ZNF423: variants seen among roughly 807,000 people sequenced by gnomAD.
ZNF423 encodes Ebf-associated zinc finger protein.
Under a neutral mutation model 95.8 loss-of-function variants are expected in ZNF423, and 12 were observed. That is an observed-to-expected ratio of 0.13 (90% CI 0.08 to 0.20). ZNF423 has a LOEUF of 0.20. Among genes scored for constraint, ZNF423 ranks in the 10% least tolerant of loss-of-function variants. The pLI is 1.00. For synonymous variants in ZNF423, 749 were observed against 711.9 expected, an observed-to-expected ratio of 1.05 and a Z score of -0.83; for missense variants, 1,316 against 1,737.1, an observed-to-expected ratio of 0.76 and a Z score of 4.31.
In ZNF423 at chr16:49,603,022, C is replaced by T. The variant is rs377722779; in HGVS notation, c.3601+23148G>A. ...ACCTCGGTTTCGCAGAGAAACGTGT[C>T]CCTGAAATGCCAAGGAGAAAGGGAG... On this transcript the variant is annotated intron_variant, in intron 5 of 7. Transcript: ENST00000563137. This position sits in a 1 kb window ranked among gnomAD's most constrained non-coding sequence, Gnocchi z 4.1. Among the ~76,000 whole-genome samples the T allele has an allele frequency of 5.3e-5, 8 of 152,260 alleles. No individual in the cohort carries two copies. In the South Asian group the frequency reaches 1.2e-3, roughly 24 times the overall value.
intron 7 of ZNF423, among the ~76,000 whole-genome samples, chr16:49,522,382 C>A (rs957570881): frequency 6.6e-6 from 1 of 152,154 alleles, no homozygotes; most frequent in Non-Finnish European, 1.5e-5. Flanking sequence ...CTTCTCCCTG[C>A]CTCAGTGACT....
In ZNF423 at chr16:49,819,036, G is replaced by A. The variant is rs1398069645; in HGVS notation, c.41-29490C>T. Among the ~76,000 whole-genome samples, 5 of 151,882 alleles carry A rather than the reference G, an allele frequency of 3.3e-5. No homozygotes were observed. In the East Asian group the frequency reaches 7.7e-4, roughly 23 times the overall value. On this transcript the variant is annotated intron_variant, in intron 1 of 7. Coordinates refer to ENST00000563137, the MANE Select transcript of ZNF423 (RefSeq NM_001379286.1). The stretch of plus-strand genomic sequence containing the variant: ...TGGGAGGCTGAGGCCGGTGGATTAC[G>A]AGGTCAAGAGATAGAGACCATCCTG...
At chr16:49,732,199 C>T (rs2033185503) in intron 2 of ZNF423, among the ~76,000 whole-genome samples, 1 of 152,186 alleles carries the variant, frequency 6.6e-6, no homozygotes, top group Non-Finnish European at 1.5e-5. Context: ...AGCTCAACTT[C>T]GTGACTCCTG....
At chr16:49,599,598 G>A (rs1362762707) in intron 5 of ZNF423, among the ~76,000 whole-genome samples, 2 of 152,118 alleles carry the variant, frequency 1.3e-5, no homozygotes, top group African/African-American at 4.8e-5. Context: ...CCCAAATCCA[G>A]GTACAACCCA....
intron 1 of ZNF423, among the ~76,000 whole-genome samples, chr16:49,793,698 A>C (rs1271611171): frequency 6.6e-6 from 1 of 152,056 alleles, no homozygotes; most frequent in Non-Finnish European, 1.5e-5. Flanking sequence ...GCACACAGAG[A>C]GGAGGCATGG....
intron 7 of ZNF423, among the ~76,000 whole-genome samples, chr16:49,496,761 T>C (rs1466959992): frequency 6.6e-6 from 1 of 152,232 alleles, no homozygotes. Context: ...CTGGTCTTCC[T>C]GACCCAGCAG....
intron 5 of ZNF423, among the ~76,000 whole-genome samples, chr16:49,608,616 G>T (rs764771422): frequency 3.3e-5 from 5 of 152,142 alleles, no homozygotes; most frequent in Non-Finnish European, 7.4e-5. Flanking sequence ...AGGATCCTGG[G>T]TTTTCTTTTT....
At chr16:49,786,708 A>AGTC (rs1363270006) in intron 2 of ZNF423, among the ~76,000 whole-genome samples, 1 of 152,212 alleles carries the variant, frequency 6.6e-6, no homozygotes, top group Non-Finnish European at 1.5e-5. Context: ...CTTGGGTTCG[A>AGTC]GTCCCTGATC....
chr16:49,571,415 C>T (rs1396323158), intron 5 of ZNF423, among the ~76,000 whole-genome samples: 1 of 151,924 alleles, frequency 6.6e-6, no homozygotes, highest in Admixed American at 6.6e-5. Context: ...GCAGCTGCTC[C>T]GAGGGCATCA....
intron 3 of ZNF423, among the ~76,000 whole-genome samples, chr16:49,664,527 T>C (rs1245353362): frequency 1.3e-5 from 2 of 152,070 alleles, no homozygotes; most frequent in East Asian, 3.9e-4. Context: ...GAGGAGGGCC[T>C]GGGGCCGGCG....
At chr16:49,646,660 T>C (rs1973184543) in intron 3 of ZNF423, among the ~76,000 whole-genome samples, 1 of 150,976 alleles carries the variant, frequency 6.6e-6, no homozygotes, top group South Asian at 2.1e-4. Context: ...CACCTCTGCC[T>C]CCTGGGTTCA....
intron 2 of ZNF423, among the ~76,000 whole-genome samples, chr16:49,753,657 G>C (rs2033672274): frequency 6.6e-6 from 1 of 150,986 alleles, no homozygotes; most frequent in Admixed American, 6.6e-5. Flanking sequence ...GAAAAGCAAA[G>C]AGGCAGCTTC....
intron 2 of ZNF423, among the ~76,000 whole-genome samples, chr16:49,747,026 C>T (rs868603827): frequency 6.6e-6 from 1 of 152,168 alleles, no homozygotes; most frequent in Non-Finnish European, 1.5e-5. Flanking sequence ...GTGGGGAGAG[C>T]AGAGCGGGCA....
intron 5 of ZNF423, among the ~76,000 whole-genome samples, chr16:49,542,979 G>A (rs944543937): frequency 6.6e-6 from 1 of 152,096 alleles, no homozygotes. Context: ...ATCTGAGGCT[G>A]GGGTCTGTTA....
At chr16:49,499,112 C>A (rs531803784) in intron 7 of ZNF423, among the ~76,000 whole-genome samples, 2 of 152,304 alleles carry the variant, frequency 1.3e-5, no homozygotes, top group African/African-American at 4.8e-5. Context: ...GCCTCATTTA[C>A]GCAGATGGCA....
At chr16:49,815,876 AAAAAAATAT>A (rs2034832378) in intron 1 of ZNF423, among the ~76,000 whole-genome samples, 8 of 72,134 alleles carry the variant, frequency 1.1e-4, no homozygotes, top group African/African-American at 4.1e-4. Flanking sequence ...CAAACAAAAA[AAAAAAATAT>A]ATATATATAT....
At chr16:49,728,190 G>A (rs2033076424) in intron 3 of ZNF423, among the ~76,000 whole-genome samples, 1 of 152,124 alleles carries the variant, frequency 6.6e-6, no homozygotes, top group Non-Finnish European at 1.5e-5. Flanking sequence ...ATTCCAGGTA[G>A]GGAACTGTTT....
At chr16:49,792,002 CAAAAAAAAAA>C (rs1227429391) in intron 1 of ZNF423, among the ~76,000 whole-genome samples, 1 of 71,264 alleles carries the variant, frequency 1.4e-5, no homozygotes, top group South Asian at 4.8e-4. Flanking sequence ...GACTCCATCT[CAAAAAAAAAA>C]AAAAAAAAAG....
At chr16:49,567,295 C>T (rs749868882) in intron 5 of ZNF423, among the ~76,000 whole-genome samples, 25 of 152,180 alleles carry the variant, frequency 1.6e-4, no homozygotes, top group African/African-American at 2.4e-4. Flanking sequence ...ATTAGCTGAT[C>T]CTTTCATTTC....
Sources: allele counts gnomAD v4.1 joint callset (sites outside exome capture counted in the v4.1 genomes callset), GRCh38; gene constraint gnomAD v4.1.1; non-coding constraint Gnocchi (gnomAD v3.1); transcripts MANE v1.5; gene names NCBI Gene and HGNC (gene_info 2026-07-23, HGNC 2026-07-21).